SASH1: variants seen among roughly 807,000 people sequenced by gnomAD.
SASH1 encodes SAM and SH3 domain-containing protein 1.
In SASH1, 44 loss-of-function variants were observed where a neutral mutation model predicts 125.2. The observed-to-expected ratio is 0.35, with a 90% CI of 0.28 to 0.45. SASH1 has a LOEUF of 0.45. Among genes scored for constraint, SASH1 ranks in the 20% least tolerant of loss-of-function variants. SASH1 has a pLI of 1.00. For missense variants in SASH1, 1,426 were observed against 1,614.5 expected (o/e 0.88, Z 2.00); for synonymous variants, 639 against 649.1 (o/e 0.98, Z 0.24).
chr6:148,549,278 A>G lies in SASH1; in HGVS notation c.*720A>G, dbSNP rs1290007355. 1 of 229,778 alleles carries G rather than the reference A, an allele frequency of 4.4e-6. No individual in the cohort carries two copies. Among genetic ancestry groups the G allele is most frequent in the African/African-American group, 2.2e-5 (1 of 44,726 alleles). The allele number at this position is 229,778 out of a possible 1,614,324, so 14.2% of individuals were successfully genotyped here. A position where few individuals can be genotyped will look rare whatever the true frequency, so the allele number is the denominator to read the frequency against. ...TTTCCAGCAAAAGTGAGCTTTTCTA[A>G]TCGTCTCATTGTAACATGGCTTATT... is the stretch of plus-strand genomic sequence containing the variant. On this transcript the variant is annotated 3_prime_UTR_variant, in exon 20 of 20. Coordinates refer to ENST00000367467, the MANE Select transcript of SASH1 (RefSeq NM_015278.5).
chr6:148,270,996 G>A (rs150556016), upstream of SASH1, among the ~76,000 whole-genome samples: 1,016 of 145,904 alleles, frequency 7.0e-3, 45 homozygotes, highest in East Asian at 0.13. Flanking sequence ...TGCAACCTCC[G>A]CCTCTTGGGT....
chr6:148,275,375 T>G lies in SASH1; in HGVS notation n.74+2998T>G, dbSNP rs375455605. On this transcript the variant is annotated intron_variant and non_coding_transcript_variant, in intron 1 of 3. Transcript: ENST00000367469. Reference sequence around the variant, plus strand: ...CCTTGAATGGTACCCTAGGCTGAAGTCCAAGAAAATTATTTGTATGTACTT... The same window carrying G: ...CCTTGAATGGTACCCTAGGCTGAAGGCCAAGAAAATTATTTGTATGTACTT... Among the ~76,000 whole-genome samples the G allele has an allele frequency of 6.8e-4, 104 of 152,264 alleles. No individual in the cohort carries two copies. In the South Asian group the frequency reaches 0.015, roughly 22 times the overall value.
At chr6:148,296,491 C>A (rs1779769151) in intron 1 of SASH1, among the ~76,000 whole-genome samples, 1 of 152,134 alleles carries the variant, frequency 6.6e-6, no homozygotes, top group African/African-American at 2.4e-5. Context: ...ACTTACTTAG[C>A]AGTTACTATG....
intron 2 of SASH1, among the ~76,000 whole-genome samples, chr6:148,421,524 G>A (rs906020092): frequency 1.3e-5 from 2 of 152,142 alleles, no homozygotes; most frequent in Non-Finnish European, 2.9e-5. Flanking sequence ...GGCTGGTCTC[G>A]AACTCCTGAC....
chr6:148,314,966 C>A (rs1006001787), intron 1 of SASH1, among the ~76,000 whole-genome samples: 2 of 152,052 alleles, frequency 1.3e-5, no homozygotes, highest in Non-Finnish European at 1.5e-5. Context: ...CCATGTTGGT[C>A]AGGCTGGTCT....
the SASH1 span, among the ~76,000 whole-genome samples, chr6:148,199,969 T>C: frequency 6.6e-6 from 1 of 152,184 alleles, no homozygotes; most frequent in Non-Finnish European, 1.5e-5. Flanking sequence ...TAGGTCACCC[T>C]GAGAGCCAGA....
chr6:148,477,110 G>A (rs1373463161), intron 7 of SASH1, among the ~76,000 whole-genome samples: 1 of 152,132 alleles, frequency 6.6e-6, no homozygotes, highest in African/African-American at 2.4e-5. Flanking sequence ...TATGAAACTA[G>A]TAAAAGGAAA....
At chr6:148,500,671 G>A (rs1779525416) in intron 8 of SASH1, among the ~76,000 whole-genome samples, 1 of 152,036 alleles carries the variant, frequency 6.6e-6, no homozygotes, top group South Asian at 2.1e-4. Flanking sequence ...TTTTCCAGTG[G>A]GCCTCAGAAA....
rs368260997 is a variant in SASH1, at chr6:148,290,029, G to A, written n.74+17652G>A. ...ATTACAGGTATGCACCACCATGTCCGGTTAATTTTTGTATTTCTAGTAGAG... is the reference window on the plus strand; with the variant it reads ...ATTACAGGTATGCACCACCATGTCCAGTTAATTTTTGTATTTCTAGTAGAG... On this transcript the variant is annotated intron_variant and non_coding_transcript_variant, in intron 1 of 3. Coordinates refer to the SASH1 transcript ENST00000367469. Among the ~76,000 whole-genome samples the A allele has an allele frequency of 1.1e-3, 169 of 151,454 alleles. 2 individuals are homozygous for A. Among genetic ancestry groups the A allele is most frequent in the African/African-American group, 2.1e-3 (86 of 41,304 alleles).
intron 4 of SASH1, among the ~76,000 whole-genome samples, chr6:148,449,031 G>T (rs542141178): frequency 9.7e-5 from 14 of 144,112 alleles, no homozygotes; most frequent in South Asian, 4.4e-4. Flanking sequence ...AGTCCATTTT[G>T]TGTTGCTGTG....
chr6:148,327,551 G>T (rs1357137158), intron 1 of SASH1, among the ~76,000 whole-genome samples: 2 of 151,116 alleles, frequency 1.3e-5, no homozygotes, highest in Non-Finnish European at 2.9e-5. Context: ...CCAAAGTTCT[G>T]GGATTACAGG....
chr6:148,508,543 C>A, intron 8 of SASH1: 1 of 1,037,382 alleles, frequency 9.6e-7, no homozygotes, highest in Non-Finnish European at 1.2e-6. Flanking sequence ...TCCCTTTTTT[C>A]CTTGTGGTGA....
chr6:148,517,931 C>T (rs1780537946), intron 9 of SASH1, among the ~76,000 whole-genome samples: 1 of 152,184 alleles, frequency 6.6e-6, no homozygotes, highest in Admixed American at 6.5e-5. Flanking sequence ...TGCGTGGACA[C>T]CTGGGCGGAT....
At position 148,529,612 on chromosome 6, in the gene SASH1, A is replaced by G. The variant is rs903537466; in HGVS notation, c.1429-1914A>G. On this transcript the variant is annotated intron_variant, in intron 12 of 19. Transcript: ENST00000367467. This position sits in a 1 kb window ranked among gnomAD's most constrained non-coding sequence, Gnocchi z 4.2. ...TTCACAGAGGTTTTCTGCTTTATGA[A>G]TCAGAAGCATAGAATTTTAATGTCA... Among the ~76,000 whole-genome samples the G allele has an allele frequency of 4.6e-5, 7 of 152,172 alleles. No homozygotes were observed. The highest frequency in any genetic ancestry group is 7.3e-5 in the Non-Finnish European group (5 of 68,042).
chr6:148,387,568 CTTTCTTTCTTTCTTTCTTTCTTTCTT>C (rs1783443653), intron 1 of SASH1, among the ~76,000 whole-genome samples: 11 of 7,952 alleles, frequency 1.4e-3, no homozygotes, highest in African/African-American at 2.0e-3. Context: ...TTTCTTTTCT[CTTTCTTTCTTTCTTTCTTTCTTTCTT>C]TCTTTCTTTC....
the SASH1 span, among the ~76,000 whole-genome samples, chr6:148,257,666 C>G: frequency 2.1e-5 from 3 of 141,948 alleles, no homozygotes; most frequent in Admixed American, 2.2e-4. Flanking sequence ...GAGTCTCACT[C>G]TGTCGCCAGG....
intron 1 of SASH1, among the ~76,000 whole-genome samples, chr6:148,367,621 A>G (rs1057235941): frequency 4.6e-5 from 7 of 152,364 alleles, no homozygotes; most frequent in African/African-American, 1.7e-4. Context: ...TGCCCTCTGC[A>G]GCCAGCTGAG....
the SASH1 span, among the ~76,000 whole-genome samples, chr6:148,244,888 G>C: frequency 1.3e-5 from 2 of 151,730 alleles, no homozygotes; most frequent in African/African-American, 4.8e-5. Flanking sequence ...GGGGCCTGGG[G>C]CCTGAGGCCT....
In SASH1 at chr6:148,343,162, A is replaced by G. The variant is rs761635749; in HGVS notation, c.95A>G (p.Lys32Arg). The G allele has an allele frequency of 2.5e-6, 4 of 1,600,190 alleles. No homozygotes were observed. Among genetic ancestry groups the G allele is most frequent in the Non-Finnish European group, 3.4e-6 (4 of 1,179,204 alleles). The change falls in exon 1 of 20, where the codon AAG becomes AGG. Residue 32 changes from lysine to arginine, a missense_variant. By Grantham distance (26) the Lys-to-Arg change is conservative (BLOSUM62 2). This residue lies in a region of SASH1 where 567 missense variants were observed against 575.6 expected (regional missense o/e 0.99). Transcript: ENST00000367467. ...EPAPEPEPEP[K>R]PGAGTSEAFS... The stretch of plus-strand genomic sequence containing the variant: ...GCGCCGGAGCCGGAACCGGAGCCCA[A>G]GCCGGGTGCTGGCACATCCGAGGCG...
Sources: allele counts gnomAD v4.1 joint callset (sites outside exome capture counted in the v4.1 genomes callset), GRCh38; gene constraint gnomAD v4.1.1; regional missense constraint gnomAD v4.1.1; non-coding constraint Gnocchi (gnomAD v3.1); transcripts MANE v1.5; gene names NCBI Gene and HGNC (gene_info 2026-07-23, HGNC 2026-07-21).